Variants in L3MBTL4 observed in about 807,000 individuals in gnomAD.
The protein encoded by L3MBTL4 is lethal(3)malignant brain tumor-like protein 4.
In L3MBTL4, 70 loss-of-function variants were observed where a neutral mutation model predicts 84.5. The ratio of observed to expected loss-of-function variants is 0.83; its 90% CI spans 0.68 to 1.01. L3MBTL4 has a LOEUF of 1.01. Ranked by LOEUF, L3MBTL4 falls within the 50% of genes least tolerant of loss-of-function variation. The pLI, the probability that L3MBTL4 is intolerant of heterozygous loss-of-function variation, is 0.00. For synonymous variants in L3MBTL4, 274 were observed against 259.8 expected, an observed-to-expected ratio of 1.05 and a Z score of -0.52; for missense variants, 715 against 754.8, an observed-to-expected ratio of 0.95 and a Z score of 0.62.
At chr18:6,029,478 T>G in intron 16 of L3MBTL4, 3 of 977,532 alleles carry the variant, frequency 3.1e-6, no homozygotes, top group Non-Finnish European at 3.6e-6. Context: ...CAGGATTAAA[T>G]GTAATACACA....
Position 6,080,740 on chromosome 18 carries a change from A to G in L3MBTL4, c.1444+141T>C, listed in dbSNP as rs146996948. The G allele has an allele frequency of 1.3e-3, 761 of 597,244 alleles. 3 individuals are homozygous for G. Among genetic ancestry groups the G allele is most frequent in the African/African-American group, 0.013 (663 of 52,964 alleles). The allele number at this position is 597,244 out of a possible 1,614,324, so 37.0% of individuals were successfully genotyped here. ...GGGACTCATTCACAGGGCGGGAACT[A>G]GAACACAAGTCTCTTTTGACTTCTA... On this transcript the variant is annotated intron_variant, in intron 16 of 18. Transcript: ENST00000317931.
At chr18:6,210,133 G>A (rs1242925508) in intron 12 of L3MBTL4, among the ~76,000 whole-genome samples, 1 of 152,150 alleles carries the variant, frequency 6.6e-6, no homozygotes, top group Non-Finnish European at 1.5e-5. Flanking sequence ...TACGTGAATT[G>A]TATCTCAAAA....
At chr18:6,019,430 T>C (rs755557186) in intron 16 of L3MBTL4, among the ~76,000 whole-genome samples, 7 of 152,236 alleles carry the variant, frequency 4.6e-5, no homozygotes, top group African/African-American at 1.4e-4. Flanking sequence ...CCCCCTCATG[T>C]TGACCCAGCT....
intron 1 of L3MBTL4, among the ~76,000 whole-genome samples, chr18:6,381,636 C>T (rs947653334): frequency 1.6e-4 from 24 of 152,208 alleles, no homozygotes; most frequent in African/African-American, 5.5e-4. Flanking sequence ...AAATTCTTCT[C>T]TTTAAGAATG....
intron 14 of L3MBTL4, among the ~76,000 whole-genome samples, chr18:6,097,571 T>C (rs1042341718): frequency 6.6e-6 from 1 of 152,180 alleles, no homozygotes; most frequent in Non-Finnish European, 1.5e-5. Flanking sequence ...ACAGTTTCCC[T>C]GTATTCCCAG....
chr18:6,344,323 T>C (rs1208288809), intron 1 of L3MBTL4, among the ~76,000 whole-genome samples: 1 of 152,148 alleles, frequency 6.6e-6, no homozygotes, highest in Non-Finnish European at 1.5e-5. Context: ...CCTAGAAATA[T>C]ACAATCTACC....
chr18:6,281,901 C>T (rs2049337449), intron 4 of L3MBTL4, among the ~76,000 whole-genome samples: 1 of 152,166 alleles, frequency 6.6e-6, no homozygotes, highest in Non-Finnish European at 1.5e-5. Context: ...TAACTTGATG[C>T]TTATTTGGGG....
chr18:6,298,590 G>A (rs1329455925), intron 4 of L3MBTL4, among the ~76,000 whole-genome samples: 1 of 151,986 alleles, frequency 6.6e-6, no homozygotes, highest in East Asian at 1.9e-4. Flanking sequence ...CTCACTGCCA[G>A]GGCCAGGCGC....
intron 13 of L3MBTL4, among the ~76,000 whole-genome samples, chr18:6,153,413 C>T: frequency 6.6e-6 from 1 of 152,112 alleles, no homozygotes; most frequent in East Asian, 1.9e-4. Context: ...AAGTTTTCAG[C>T]AGGCAGATAT....
intron 1 of L3MBTL4, among the ~76,000 whole-genome samples, chr18:6,335,840 G>A (rs185890364): frequency 2.0e-5 from 3 of 152,284 alleles, no homozygotes; most frequent in Admixed American, 2.0e-4. Flanking sequence ...AGTCTCCTGA[G>A]GCCTCCCCAG....
intron 14 of L3MBTL4, among the ~76,000 whole-genome samples, chr18:6,094,471 C>T (rs1038861701): frequency 1.3e-5 from 2 of 152,160 alleles, no homozygotes; most frequent in Non-Finnish European, 2.9e-5. Context: ...CACACAAACA[C>T]ACACACATCA....
chr18:6,262,542 T>C (rs2054342979), intron 5 of L3MBTL4, among the ~76,000 whole-genome samples: 1 of 152,110 alleles, frequency 6.6e-6, no homozygotes, highest in African/African-American at 2.4e-5. Context: ...CCTTCTATGG[T>C]AGTCAGCCTC....
At chr18:6,073,237 A>G (rs989445077) in intron 16 of L3MBTL4, among the ~76,000 whole-genome samples, 1 of 151,936 alleles carries the variant, frequency 6.6e-6, no homozygotes, top group African/African-American at 2.4e-5. Context: ...CAGGAATGAA[A>G]AAGGAACATA....
At chr18:6,302,006 G>A in intron 3 of L3MBTL4, 49 bp from the exon 4 acceptor site, 2 of 1,400,486 alleles carry the variant, frequency 1.4e-6, no homozygotes, top group Non-Finnish European at 2.0e-6. Flanking sequence ...ATAATTGTTG[G>A]AAACACTGAA....
chr18:6,097,262 T>C (rs1437599883), intron 14 of L3MBTL4, among the ~76,000 whole-genome samples: 3 of 152,204 alleles, frequency 2.0e-5, no homozygotes, highest in Non-Finnish European at 4.4e-5. Flanking sequence ...TTTTGACAGA[T>C]ACAAGTAGTC....
Position 6,241,358 on chromosome 18 carries a change from A to C in L3MBTL4, c.552T>G (p.Pro184=). Residue 184 remains proline, a splice_region_variant and synonymous_variant, in exon 8 of 19, where the codon CCT becomes CCG. Transcript: ENST00000317931. ...TTATGCTGGGAAAGAAAATACTTAC[A>C]GGACTTCTGTTTCTGAATAATTTCT... is the stretch of plus-strand genomic sequence containing the variant. ...APKKLFRNRS[P]NGPMSKEFQV... 3 of 1,543,700 alleles carry C rather than the reference A, an allele frequency of 1.9e-6. No homozygotes were observed. Among genetic ancestry groups the C allele is most frequent in the Non-Finnish European group, 2.7e-6 (3 of 1,122,418 alleles).
intron 1 of L3MBTL4, among the ~76,000 whole-genome samples, chr18:6,327,418 A>G (rs1301347190): frequency 1.3e-5 from 2 of 152,238 alleles, no homozygotes; most frequent in East Asian, 3.8e-4. Flanking sequence ...AAAATGGAAT[A>G]TTATACAGCA....
At chr18:6,236,303 T>G (rs2047213539) in intron 10 of L3MBTL4, among the ~76,000 whole-genome samples, 1 of 152,218 alleles carries the variant, frequency 6.6e-6, no homozygotes. Context: ...CAATGGATTT[T>G]CAATAAGGGT....
chr18:6,144,196 CAAAAAAAAAAA>C (rs35746580), intron 13 of L3MBTL4, among the ~76,000 whole-genome samples: 8 of 58,060 alleles, frequency 1.4e-4, no homozygotes, highest in African/African-American at 4.2e-4. Context: ...ACTCCATCTC[CAAAAAAAAAAA>C]AAAAAAAAAA....
Sources: allele counts gnomAD v4.1 joint callset (sites outside exome capture counted in the v4.1 genomes callset), GRCh38; gene constraint gnomAD v4.1.1; transcripts MANE v1.5; gene names NCBI Gene and HGNC (gene_info 2026-07-23, HGNC 2026-07-21).